Variants in SLCO1B1 observed in about 807,000 individuals in gnomAD.
The protein encoded by SLCO1B1 is solute carrier organic anion transporter family member 1B1.
SLCO1B1 carries 81 observed loss-of-function variants against 70.1 expected under a neutral mutation model. The observed-to-expected ratio is 1.16, with a 90% confidence interval of 0.97 to 1.39. SLCO1B1 has a LOEUF of 1.39. Ranked by LOEUF, SLCO1B1 falls within the 40% of genes most tolerant of loss-of-function variation. The pLI is 0.00. For synonymous variants in SLCO1B1, 283 were observed against 271.5 expected (o/e 1.04, Z -0.42); for missense variants, 895 against 799.6 (o/e 1.12, Z -1.44).
At chr12:21,132,108 T>TA (rs1940144695) in intron 1 of SLCO1B1, among the ~76,000 whole-genome samples, 2 of 152,122 alleles carry the variant, frequency 1.3e-5, no homozygotes, top group South Asian at 4.1e-4. Flanking sequence ...GTCCTTGCGA[T>TA]AGTTTGTTGA....
chr12:21,233,592 C>T (rs1162263494), intron 14 of SLCO1B1, among the ~76,000 whole-genome samples: 1 of 149,974 alleles, frequency 6.7e-6, no homozygotes, highest in African/African-American at 2.4e-5. Flanking sequence ...AAACAAGAGC[C>T]CCAAAGGAGC....
intron 1 of SLCO1B1, among the ~76,000 whole-genome samples, chr12:21,134,511 G>A (rs189202535): frequency 2.0e-5 from 3 of 152,026 alleles, no homozygotes; most frequent in African/African-American, 4.8e-5. Flanking sequence ...CAATTTCAGA[G>A]CCTGTTATTG....
intron 7 of SLCO1B1, among the ~76,000 whole-genome samples, chr12:21,181,977 T>A (rs1940904345): frequency 1.3e-5 from 2 of 152,136 alleles, no homozygotes; most frequent in South Asian, 4.1e-4. Flanking sequence ...TTAAACTTAT[T>A]AGAGGGTACA....
At chr12:21,204,622 G>T (rs1038829750) in intron 10 of SLCO1B1, among the ~76,000 whole-genome samples, 7 of 151,832 alleles carry the variant, frequency 4.6e-5, no homozygotes, top group African/African-American at 1.7e-4. Flanking sequence ...ACACAGATGT[G>T]ACTGATTGCA....
intron 1 of SLCO1B1, among the ~76,000 whole-genome samples, chr12:21,132,915 T>C (rs940358064): frequency 6.6e-6 from 1 of 152,138 alleles, no homozygotes; most frequent in Non-Finnish European, 1.5e-5. Context: ...CCCATGCCTA[T>C]GTCCTGAATG....
At chr12:21,214,593 C>G (rs982102381) in intron 11 of SLCO1B1, among the ~76,000 whole-genome samples, 60 of 142,556 alleles carry the variant, frequency 4.2e-4, no homozygotes, top group African/African-American at 1.2e-3. Flanking sequence ...GCTCCGCCCA[C>G]TTCGAGCTTC....
rs1040914617 is a variant in SLCO1B1, at chr12:21,206,190, C to G, written c.1497+157C>G. On this transcript the variant is annotated intron_variant, in intron 11 of 14. Coordinates refer to ENST00000256958, the MANE Select transcript of SLCO1B1 (RefSeq NM_006446.5). The stretch of plus-strand genomic sequence containing the variant: ...TATTGTGATGGGTGTGATGTATAAA[C>G]AAAGTTTTATATAAAAGTCTGCTTA... Among the ~76,000 whole-genome samples, 3 of 151,698 alleles carry G rather than the reference C, an allele frequency of 2.0e-5. No individual in the cohort carries two copies. In the East Asian group the frequency reaches 5.8e-4, roughly 29 times the overall value.
chr12:21,182,062 C>T (rs1212713895), intron 7 of SLCO1B1, among the ~76,000 whole-genome samples: 3 of 152,162 alleles, frequency 2.0e-5, no homozygotes, highest in African/African-American at 4.8e-5. Flanking sequence ...AACTAACATA[C>T]TTCGAGCATA....
intron 14 of SLCO1B1, among the ~76,000 whole-genome samples, chr12:21,226,986 T>G (rs1257779612): frequency 6.6e-6 from 1 of 152,210 alleles, no homozygotes; most frequent in South Asian, 2.1e-4. Flanking sequence ...AGGATTGCAA[T>G]TAAAACTCAC....
Position 21,197,168 on chromosome 12 carries a change from A to C in SLCO1B1, c.950A>C (p.Asn317Thr). The C allele has an allele frequency of 6.2e-7, 1 of 1,613,372 alleles. No homozygotes were observed. Among genetic ancestry groups the C allele is most frequent in the Non-Finnish European group, 8.5e-7 (1 of 1,179,554 alleles). Reference protein sequence around the residue: ...QTANLTNQGKNITKNVTGFFQ... With the variant: ...QTANLTNQGKTITKNVTGFFQ... ...GCTAATTTGACCAATCAAGGAAAAA[A>C]TATTACCAAAAATGTGACTGGTAAG... is the stretch of plus-strand genomic sequence containing the variant. The change falls in exon 8 of 15, where the codon AAT (asparagine) becomes ACT (threonine). Residue 317 changes from asparagine (N) to threonine (T), a missense_variant. Physicochemically the swap from Asn to Thr is moderately conservative, Grantham distance 65 (BLOSUM62 0). Transcript: ENST00000256958.
chr12:21,147,666 T>G (rs1940407163), intron 2 of SLCO1B1, among the ~76,000 whole-genome samples: 1 of 152,260 alleles, frequency 6.6e-6, no homozygotes, highest in African/African-American at 2.4e-5. Context: ...CCACATTTTA[T>G]TTATCCATTC....
intron 7 of SLCO1B1, among the ~76,000 whole-genome samples, chr12:21,193,526 G>T (rs1355507577): frequency 6.6e-6 from 1 of 152,102 alleles, no homozygotes; most frequent in Non-Finnish European, 1.5e-5. Flanking sequence ...TATATTCTTG[G>T]TGAATTAACT....
chr12:21,228,092 CT>C (rs2121198804), intron 14 of SLCO1B1, among the ~76,000 whole-genome samples: 1 of 152,162 alleles, frequency 6.6e-6, no homozygotes, highest in African/African-American at 2.4e-5. Flanking sequence ...CATCCCAAGA[CT>C]TTAAGATTTA....
At chr12:21,198,487 G>A (rs970525589) in intron 8 of SLCO1B1, among the ~76,000 whole-genome samples, 5 of 152,022 alleles carry the variant, frequency 3.3e-5, no homozygotes, top group African/African-American at 1.2e-4. Flanking sequence ...AAGGAGCGGG[G>A]TTGACTGTGA....
At chr12:21,189,569 T>C (rs1941005041) in intron 7 of SLCO1B1, among the ~76,000 whole-genome samples, 1 of 152,084 alleles carries the variant, frequency 6.6e-6, no homozygotes, top group African/African-American at 2.4e-5. Context: ...AGCCTCAGCC[T>C]CCAGAGTATC....
In SLCO1B1 at chr12:21,176,797, T is replaced by A. The variant is rs771191474; in HGVS notation, c.381T>A (p.Thr127=). 1 of 1,540,418 alleles carries A rather than the reference T, an allele frequency of 6.5e-7. No homozygotes were observed. Among genetic ancestry groups the A allele is most frequent in the African/African-American group, 1.4e-5 (1 of 73,324 alleles). ...ACAGTTACAGGTATTCTAAAGAAAC[T>A]AATATCAATTCATCAGAAAATTCAA... The part of the protein sequence containing the change: ...FMGYYRYSKE[T]NINSSENSTS... The change falls in exon 5 of 15, where the codon ACT becomes ACA. Residue 127 remains threonine, a synonymous_variant. Coordinates refer to ENST00000256958, the MANE Select transcript of SLCO1B1 (RefSeq NM_006446.5).
chr12:21,205,987 C>T lies in SLCO1B1; in HGVS notation c.1451C>T (p.Pro484Leu). 6.2e-7 allele frequency: 1 copy of T among 1,612,202 alleles called. No individual in the cohort carries two copies. Among genetic ancestry groups the T allele is most frequent in the South Asian group, 1.1e-5 (1 of 91,028 alleles). Residue 484 changes from proline (P) to leucine (L), a missense_variant, in exon 11 of 15, where the codon CCC becomes CTC. Pro to Leu is a moderately conservative substitution (Grantham distance 98). Transcript: ENST00000256958. The part of the protein sequence containing the change: ...CGNNGITYIS[P>L]CLAGCKSSSG... ...AACAATGGAATAACTTACATCTCAC[C>T]CTGTCTAGCAGGTTGCAAATCTTCA...
At chr12:21,215,105 T>C (rs1941342789) in intron 11 of SLCO1B1, among the ~76,000 whole-genome samples, 1 of 151,982 alleles carries the variant, frequency 6.6e-6, no homozygotes, top group Admixed American at 6.6e-5. Flanking sequence ...GTTTTTGAGA[T>C]ATAGAATCAT....
At chr12:21,210,177 G>T (rs1218452756) in intron 11 of SLCO1B1, among the ~76,000 whole-genome samples, 1 of 142,860 alleles carries the variant, frequency 7.0e-6, no homozygotes, top group African/African-American at 2.6e-5. Context: ...TTCTTCTAGG[G>T]TTTTTATGGT....
Sources: gnomAD v4.1 joint callset for allele counts (sites outside exome capture counted in the v4.1 genomes callset) on GRCh38, gnomAD v4.1.1 for gene constraint, MANE v1.5 for transcripts, NCBI Gene and HGNC (gene_info 2026-07-23, HGNC 2026-07-21) for gene names.